ARHGEF3: variants seen among roughly 807,000 people sequenced by gnomAD.
ARHGEF3 encodes the protein 59.8 kDA protein.
A neutral mutation model predicts 63.2 loss-of-function variants in ARHGEF3; 28 were observed. The ratio of observed to expected loss-of-function variants is 0.44; its 90% confidence interval spans 0.33 to 0.61. The LOEUF is 0.61. Among genes scored for constraint, ARHGEF3 ranks in the 20% least tolerant of loss-of-function variants. The pLI, the probability that ARHGEF3 is intolerant of heterozygous loss-of-function variation, is 0.03. For missense variants in ARHGEF3, 533 were observed against 659.3 expected (o/e 0.81, Z 2.10); for synonymous variants, 266 against 254.2 (o/e 1.05, Z -0.44).
chr3:57,026,473 A>G (rs1371845349), intron 2 of ARHGEF3, among the ~76,000 whole-genome samples: 1 of 152,148 alleles, frequency 6.6e-6, no homozygotes, highest in Non-Finnish European at 1.5e-5. Flanking sequence ...CTTAACTCCT[A>G]GGGTTGAAAA....
chr3:56,996,891 T>TTATTTA (rs558528711), intron 2 of ARHGEF3, among the ~76,000 whole-genome samples: 1 of 55,858 alleles, frequency 1.8e-5, no homozygotes, highest in South Asian at 5.1e-4. Context: ...ATTATTATTA[T>TTATTTA]TTTTTTTTTT....
At chr3:56,887,398 A>T (rs1438961107) in intron 3 of ARHGEF3, among the ~76,000 whole-genome samples, 1 of 152,172 alleles carries the variant, frequency 6.6e-6, no homozygotes, top group Non-Finnish European at 1.5e-5. Context: ...CTTGGGAGGT[A>T]TCAGGAGGAG....
intron 3 of ARHGEF3, among the ~76,000 whole-genome samples, chr3:56,899,619 T>C (rs1454395649): frequency 6.6e-6 from 1 of 152,228 alleles, no homozygotes; most frequent in African/African-American, 2.4e-5. Context: ...AAAAAATACA[T>C]TGTTTTACAG....
Position 56,773,955 on chromosome 3 carries a change from T to A in ARHGEF3, c.97-139A>T, listed in dbSNP as rs574936012. 16 of 681,590 alleles carry A rather than the reference T, an allele frequency of 2.3e-5. No homozygotes were observed. The South Asian group carries it at 3.1e-4, about 13-fold the overall frequency. The allele number at this position is 681,590 out of a possible 1,614,324, so 42.2% of individuals were successfully genotyped here. On this transcript the variant is annotated intron_variant, in intron 1 of 9. Coordinates refer to ENST00000296315, the MANE Select transcript of ARHGEF3 (RefSeq NM_019555.3). ...TGGAATATAAAGTGTCACGTCTCAC[T>A]CTGGCTGTATGGAGATGACCTGGCT...
At chr3:56,833,919 C>T (rs200788686) in intron 4 of ARHGEF3, among the ~76,000 whole-genome samples, 21,370 of 147,342 alleles carry the variant, frequency 0.15, 1,532 homozygotes, top group Admixed American at 0.17. Flanking sequence ...TCTTTGTTTT[C>T]CCCCCCCAAT....
At chr3:56,992,462 GCTGTACCAACATTATGAACTGA>G (rs1241917987) in intron 2 of ARHGEF3, among the ~76,000 whole-genome samples, 3 of 140,274 alleles carry the variant, frequency 2.1e-5, no homozygotes, top group African/African-American at 7.8e-5. Flanking sequence ...ATCAGCCCCA[GCTGTACCAACATTATGAACTGA>G]CTGTCAACTT....
At chr3:56,881,929 T>C (rs1015190080) in intron 4 of ARHGEF3, among the ~76,000 whole-genome samples, 1 of 152,252 alleles carries the variant, frequency 6.6e-6, no homozygotes, top group Non-Finnish European at 1.5e-5. Context: ...CTGCCTGAGC[T>C]GGGCCAAGCC....
intron 4 of ARHGEF3, among the ~76,000 whole-genome samples, chr3:56,844,629 C>T (rs1449312007): frequency 6.6e-6 from 1 of 152,126 alleles, no homozygotes; most frequent in South Asian, 2.1e-4. Context: ...TATAGCAGGG[C>T]TAAAAACAAT....
At chr3:56,997,493 C>A (rs6777892) in intron 2 of ARHGEF3, among the ~76,000 whole-genome samples, 2,211 of 152,214 alleles carry the variant, frequency 0.015, 55 homozygotes, top group African/African-American at 0.049. Flanking sequence ...ACTCTGCCCC[C>A]CTAAGAGCTT....
chr3:56,919,177 A>T (rs2042061599), intron 3 of ARHGEF3, among the ~76,000 whole-genome samples: 2 of 152,178 alleles, frequency 1.3e-5, no homozygotes, highest in Non-Finnish European at 2.9e-5. Context: ...TAATTTTTTC[A>T]ATAGAAGCCT....
At chr3:57,063,726 G>A (rs1160543710) in intron 1 of ARHGEF3, among the ~76,000 whole-genome samples, 1 of 152,156 alleles carries the variant, frequency 6.6e-6, no homozygotes, top group Admixed American at 6.5e-5. Context: ...AGTCAGGAAG[G>A]ATGGCAACAG....
Position 57,077,455 on chromosome 3 carries a change from C to T in ARHGEF3, c.-28+1771G>A, listed in dbSNP as rs186415262. 1.8e-3 allele frequency among the ~76,000 whole-genome samples: 262 copies of T among 149,040 alleles called. 1 individual carries two copies. Among genetic ancestry groups the T allele is most frequent in the Non-Finnish European group, 1.8e-3 (123 of 66,790 alleles). On this transcript the variant is annotated intron_variant, in intron 1 of 12. Transcript: ENST00000338458. ...CAAGTGCCTCGTGTAGATTTCAGGACGTTCAGTGGGGCTCCAGGTTCAGAG... is the reference window on the plus strand; with the variant it reads ...CAAGTGCCTCGTGTAGATTTCAGGATGTTCAGTGGGGCTCCAGGTTCAGAG...
chr3:56,981,110 C>G (rs1380912126), intron 2 of ARHGEF3, among the ~76,000 whole-genome samples: 1 of 152,214 alleles, frequency 6.6e-6, no homozygotes, highest in Non-Finnish European at 1.5e-5. Context: ...CCCCATCTTC[C>G]TGGGGAAATA....
At chr3:56,952,700 C>T (rs181540387) in intron 3 of ARHGEF3, among the ~76,000 whole-genome samples, 9 of 151,978 alleles carry the variant, frequency 5.9e-5, no homozygotes, top group African/African-American at 9.6e-5. Context: ...GGTTAGATAC[C>T]TGGGATAAAT....
chr3:56,779,826 ATCTTGTCT>A (rs2036482741), intron 1 of ARHGEF3, among the ~76,000 whole-genome samples: 1 of 152,218 alleles, frequency 6.6e-6, no homozygotes, highest in South Asian at 2.1e-4. Flanking sequence ...ATATTCACTA[ATCTTGTCT>A]TAAGCAAGTT....
chr3:56,925,081 A>G (rs935520899), intron 3 of ARHGEF3, among the ~76,000 whole-genome samples: 2 of 152,282 alleles, frequency 1.3e-5, no homozygotes, highest in African/African-American at 4.8e-5. Flanking sequence ...CAGCATGAGA[A>G]CATGAGCAGG....
At chr3:56,903,608 T>C (rs545376638) in intron 3 of ARHGEF3, among the ~76,000 whole-genome samples, 5 of 152,354 alleles carry the variant, frequency 3.3e-5, no homozygotes, top group South Asian at 2.1e-4. Flanking sequence ...CACTTGGATA[T>C]GCAAAGTGTA....
At position 56,977,234 on chromosome 3, in the gene ARHGEF3, G is replaced by A. The variant is rs954605279; in HGVS notation, c.63-18345C>T. 1.1e-5 allele frequency: 5 copies of A among 456,512 alleles called. No homozygotes were observed. In the East Asian group the frequency reaches 2.8e-4, roughly 25 times the overall value. 28.3% of individuals were successfully genotyped at this position (456,512 alleles called of 1,614,324 possible). ...CTAATCCACAAGAGCCACAAACTGG[G>A]GCGAGAAAAATGACTGTAATTATCA... is the stretch of plus-strand genomic sequence containing the variant. On this transcript the variant is annotated intron_variant, in intron 2 of 12. Coordinates refer to the ARHGEF3 transcript ENST00000338458.
chr3:56,908,582 C>A (rs1454545869), intron 3 of ARHGEF3, among the ~76,000 whole-genome samples: 1 of 152,122 alleles, frequency 6.6e-6, no homozygotes, highest in East Asian at 1.9e-4. Flanking sequence ...GACAAGACAA[C>A]TCAGTTTTGC....
Sources: allele counts gnomAD v4.1 joint callset (sites outside exome capture counted in the v4.1 genomes callset), GRCh38; gene constraint gnomAD v4.1.1; transcripts MANE v1.5; gene names NCBI Gene and HGNC (gene_info 2026-07-23, HGNC 2026-07-21).